HSD17B11: variants seen among roughly 807,000 people sequenced by gnomAD.
HSD17B11 encodes hydroxysteroid 17-beta dehydrogenase 11.
HSD17B11 carries 22 observed loss-of-function variants against 27.8 expected under a neutral mutation model. The ratio of observed to expected loss-of-function variants is 0.79; its 90% CI spans 0.56 to 1.13. HSD17B11 has a LOEUF of 1.13. Among genes scored for constraint, HSD17B11 ranks in the 50% most tolerant of loss-of-function variants. The probability of loss-of-function intolerance (pLI) is 0.00; values close to 1 mark genes in which losing one functional copy is unlikely to be tolerated. For synonymous variants in HSD17B11, 117 were observed against 132.8 expected (o/e 0.88, Z 0.82); for missense variants, 314 against 351.1 (o/e 0.89, Z 0.84).
At chr4:87,377,093 GCA>G (rs1334347489) in intron 2 of HSD17B11, among the ~76,000 whole-genome samples, 1 of 151,948 alleles carries the variant, frequency 6.6e-6, no homozygotes, top group African/African-American at 2.4e-5. Context: ...TTGCACCATT[GCA>G]CGCCCGCCTG....
rs1396340487 is a variant in HSD17B11 at position 87,357,334 on chromosome 4, T to C, written c.640A>G (p.Thr214Ala). 13 of 1,612,924 alleles carry C rather than the reference T, an allele frequency of 8.1e-6. No individual in the cohort carries two copies. The highest frequency in any genetic ancestry group is 8.5e-6 in the Non-Finnish European group (10 of 1,179,624). ...TTTACGAAATTAGGACACAGACATG[T>C]TGTTTTGACTCCAGTTATTTGTAAG... is the stretch of plus-strand genomic sequence containing the variant. ...AALQITGVKT[T>A]CLCPNFVNTG... Residue 214 changes from threonine (T) to alanine (A), a missense_variant, in exon 5 of 7, where the codon ACA becomes GCA. By Grantham distance (58) the Thr-to-Ala change is moderately conservative (BLOSUM62 0). Transcript: ENST00000358290.
chr4:87,352,987 G>A (rs11514606), intron 5 of HSD17B11, among the ~76,000 whole-genome samples: 10 of 103,904 alleles, frequency 9.6e-5, no homozygotes, highest in Admixed American at 1.9e-4. Flanking sequence ...GCTCGCGCAC[G>A]GTGCGCACAC....
At chr4:87,357,551 A>G in intron 4 of HSD17B11, 135 bp from the exon 5 acceptor site, 1 of 693,304 alleles carries the variant, frequency 1.4e-6, no homozygotes, top group Non-Finnish European at 2.3e-6. Context: ...CTACTGCATC[A>G]GAGCCCACAT....
chr4:87,367,688 T>C (rs1297318298), intron 4 of HSD17B11, among the ~76,000 whole-genome samples: 1 of 152,202 alleles, frequency 6.6e-6, no homozygotes, highest in South Asian at 2.1e-4. Flanking sequence ...TCAGTTGTTT[T>C]TAAGTTTGTT....
At chr4:87,386,802 T>G (rs1720331571) in intron 1 of HSD17B11, 1 of 150,766 alleles carries the variant, frequency 6.6e-6, no homozygotes, top group South Asian at 2.1e-4. Context: ...TTAATTCAGT[T>G]TTTCATTCAA....
chr4:87,375,285 T>G (rs1735798131), intron 2 of HSD17B11, among the ~76,000 whole-genome samples: 1 of 152,252 alleles, frequency 6.6e-6, no homozygotes, highest in Admixed American at 6.5e-5. Context: ...AAATCCTTTT[T>G]ATTTTATGCA....
At chr4:87,374,033 T>G (rs566678149) in intron 3 of HSD17B11, among the ~76,000 whole-genome samples, 1 of 152,152 alleles carries the variant, frequency 6.6e-6, no homozygotes, top group Non-Finnish European at 1.5e-5. Flanking sequence ...CTGAGCCTCA[T>G]GCAAATTGAA....
chr4:87,360,532 A>G (rs1169414434), intron 4 of HSD17B11, among the ~76,000 whole-genome samples: 5 of 152,204 alleles, frequency 3.3e-5, no homozygotes, highest in African/African-American at 4.8e-5. Flanking sequence ...TTCTGGTAAT[A>G]CCGCTGTCAC....
chr4:87,371,177 C>A (rs1735710691), intron 4 of HSD17B11, among the ~76,000 whole-genome samples: 1 of 152,086 alleles, frequency 6.6e-6, no homozygotes, highest in Admixed American at 6.5e-5. Flanking sequence ...GACATTATGT[C>A]ATTCGTAAAT....
rs141480182 is a variant in HSD17B11, at chr4:87,337,822, C to G, written c.813-456G>C. Among the ~76,000 whole-genome samples, 1,322 of 152,340 alleles carry G rather than the reference C, an allele frequency of 8.7e-3. 21 individuals carry two copies. Among genetic ancestry groups the G allele is most frequent in the African/African-American group, 0.031 (1,284 of 41,578 alleles). On this transcript the variant is annotated intron_variant, in intron 6 of 6. Coordinates refer to ENST00000358290, the MANE Select transcript of HSD17B11 (RefSeq NM_016245.5). The stretch of plus-strand genomic sequence containing the variant: ...CTTTGGTTTTGAGCATAATGCTGAA[C>G]CAATTATTTCACCTTTCAGTTTAAA...
chr4:87,368,778 G>T (rs1002085570), intron 4 of HSD17B11, among the ~76,000 whole-genome samples: 1 of 152,156 alleles, frequency 6.6e-6, no homozygotes, highest in South Asian at 2.1e-4. Flanking sequence ...ACCTCTGGTC[G>T]TCCTCACTGC....
At chr4:87,353,968 T>C (rs1735333271) in intron 5 of HSD17B11, among the ~76,000 whole-genome samples, 1 of 152,196 alleles carries the variant, frequency 6.6e-6, no homozygotes, top group South Asian at 2.1e-4. Context: ...CTGAAAAACA[T>C]ATCTGTCCCT....
At chr4:87,379,615 C>T (rs1206291834) in intron 2 of HSD17B11, among the ~76,000 whole-genome samples, 2 of 144,522 alleles carry the variant, frequency 1.4e-5, no homozygotes, top group East Asian at 2.0e-4. Flanking sequence ...CTCATATATA[C>T]ATATATGTAT....
chr4:87,346,370 C>T (rs887070764), intron 5 of HSD17B11, among the ~76,000 whole-genome samples: 4 of 152,088 alleles, frequency 2.6e-5, no homozygotes, highest in East Asian at 1.9e-4. Flanking sequence ...AAGGATGGGC[C>T]GGGTGCGGTG....
intron 4 of HSD17B11, among the ~76,000 whole-genome samples, chr4:87,363,945 C>T (rs549388842): frequency 5.3e-5 from 8 of 152,240 alleles, no homozygotes; most frequent in African/African-American, 1.2e-4. Flanking sequence ...AAATATTGGC[C>T]GCTTGGCATG....
At chr4:87,370,945 G>C (rs1417126362) in intron 4 of HSD17B11, among the ~76,000 whole-genome samples, 1 of 123,342 alleles carries the variant, frequency 8.1e-6, no homozygotes, top group Non-Finnish European at 1.6e-5. Context: ...GTAGAGACGG[G>C]GTTTCACCGT....
chr4:87,362,939 C>T (rs1236642805), intron 4 of HSD17B11, among the ~76,000 whole-genome samples: 5 of 152,120 alleles, frequency 3.3e-5, no homozygotes, highest in Non-Finnish European at 5.9e-5. Flanking sequence ...CTTATCTTTT[C>T]TATTTCTCAG....
At chr4:87,377,699 G>A (rs562697884) in intron 2 of HSD17B11, among the ~76,000 whole-genome samples, 36 of 151,976 alleles carry the variant, frequency 2.4e-4, no homozygotes, top group Non-Finnish European at 4.6e-4. Context: ...ATGCTTGGGC[G>A]GATAGACCCT....
intron 6 of HSD17B11, among the ~76,000 whole-genome samples, chr4:87,337,832 C>T (rs1735079914): frequency 1.3e-5 from 2 of 152,232 alleles, no homozygotes; most frequent in East Asian, 3.8e-4. Flanking sequence ...CCAATTATTT[C>T]ACCTTTCAGT....
Sources: gnomAD v4.1 joint callset for allele counts (sites outside exome capture counted in the v4.1 genomes callset) on GRCh38, gnomAD v4.1.1 for gene constraint, MANE v1.5 for transcripts, NCBI Gene and HGNC (gene_info 2026-07-23, HGNC 2026-07-21) for gene names.